FOXN1: variants seen among roughly 807,000 people sequenced by gnomAD.
FOXN1 encodes the protein forkhead box protein N1.
Under a neutral mutation model 49.0 loss-of-function variants are expected in FOXN1, and 15 were observed. The ratio of observed to expected loss-of-function variants is 0.31; its 90% confidence interval spans 0.20 to 0.47. FOXN1 has a LOEUF of 0.47. Among genes scored for constraint, FOXN1 ranks in the 20% least tolerant of loss-of-function variants. The pLI is 1.00. For missense variants in FOXN1, 800 were observed against 842.8 expected, an observed-to-expected ratio of 0.95 and a Z score of 0.63; for synonymous variants, 356 against 369.0, an observed-to-expected ratio of 0.96 and a Z score of 0.40.
At chr17:28,518,182 TAGGGTACACACATCCAC>T (rs1489603596) in intron 1 of FOXN1, among the ~76,000 whole-genome samples, 2 of 110,954 alleles carry the variant, frequency 1.8e-5, no homozygotes, top group Non-Finnish European at 3.9e-5. Context: ...CATACCTCCA[TAGGGTACACACATCCAC>T]AGGGTACACA....
At chr17:28,530,242 G>C (rs1453089144) in intron 5 of FOXN1, among the ~76,000 whole-genome samples, 1 of 152,118 alleles carries the variant, frequency 6.6e-6, no homozygotes, top group East Asian at 1.9e-4. Context: ...CAGGGTTTGG[G>C]GTAGCAGTTC....
rs775469489 is a variant in FOXN1, at chr17:28,527,336, G to T, written c.674G>T (p.Cys225Phe). ...CYQPPLQHMY[C>F]SSQPPFHQYS... ...CAGCCTCCCTTGCAGCATATGTACT[G>T]CTCCTCCCAGCCCCCCTTCCACCAG... Residue 225 changes from cysteine (C) to phenylalanine (F), a missense_variant, in exon 4 of 9, where the codon TGC (cysteine) becomes TTC (phenylalanine). Coordinates refer to ENST00000579795, the MANE Select transcript of FOXN1 (RefSeq NM_001369369.1). 3 of 1,612,576 alleles carry T rather than the reference G, an allele frequency of 1.9e-6. No homozygotes were observed. The South Asian group carries it at 3.3e-5, about 18-fold the overall frequency.
intron 1 of FOXN1, among the ~76,000 whole-genome samples, chr17:28,523,065 C>T (rs1367232883): frequency 6.6e-6 from 1 of 152,180 alleles, no homozygotes; most frequent in Non-Finnish European, 1.5e-5. Context: ...AAGGGCCAAC[C>T]CCGGCTTTGA....
At chr17:28,515,799 C>A (rs913306280) in intron 1 of FOXN1, among the ~76,000 whole-genome samples, 6 of 151,036 alleles carry the variant, frequency 4.0e-5, no homozygotes, top group African/African-American at 1.5e-4. Flanking sequence ...AAGGTGAACA[C>A]CATTCCCCAG....
At chr17:28,515,426 A>G (rs1210013610) in intron 1 of FOXN1, among the ~76,000 whole-genome samples, 1 of 151,554 alleles carries the variant, frequency 6.6e-6, no homozygotes, top group Non-Finnish European at 1.5e-5. Flanking sequence ...CCAAAGGTGT[A>G]TACACTTCCA....
At chr17:28,516,413 G>T (rs1277642903) in intron 1 of FOXN1, among the ~76,000 whole-genome samples, 2 of 149,592 alleles carry the variant, frequency 1.3e-5, no homozygotes, top group Non-Finnish European at 3.0e-5. Context: ...ACCATCACGG[G>T]GTACATGCCT....
chr17:28,537,868 G>A lies in FOXN1; in HGVS notation c.*432G>A. 1 of 271,342 alleles carries A rather than the reference G, an allele frequency of 3.7e-6. No individual in the cohort carries two copies. The highest frequency in any genetic ancestry group is 7.3e-6 in the Non-Finnish European group (1 of 137,870). The allele number at this position is 271,342 out of a possible 1,614,324, so 16.8% of individuals were successfully genotyped here. A position where few individuals can be genotyped will look rare whatever the true frequency, so the allele number is the denominator to read the frequency against. ...GAGCTGAGCGCTTTGCTTACCAAAA[G>A]CTCAGGGCCCTGTGCCAGGCCAAAG... On this transcript the variant is annotated 3_prime_UTR_variant, in exon 9 of 9. Coordinates refer to ENST00000579795, the MANE Select transcript of FOXN1 (RefSeq NM_001369369.1).
chr17:28,529,358 T>C, intron 5 of FOXN1, 134 bp downstream of exon 5: 1 of 1,120,324 alleles, frequency 8.9e-7, no homozygotes, highest in Non-Finnish European at 1.3e-6. Flanking sequence ...TTCCAGAAGA[T>C]GCTGGAGAGA....
intron 1 of FOXN1, among the ~76,000 whole-genome samples, chr17:28,509,629 T>A (rs1298102583): frequency 6.6e-6 from 1 of 152,170 alleles, no homozygotes; most frequent in African/African-American, 2.4e-5. Flanking sequence ...CCTCATCCTA[T>A]CTGGGCCGTA....
Position 28,536,926 on chromosome 17 carries a change from C to T in FOXN1, c.1628-191C>T, listed in dbSNP as rs148361643. Reference sequence around the variant, plus strand: ...TCGACGGCTTTCAGATTGTGCTACACGGGAGGAGGAATCTGAGGCTGAGAG... The same window carrying T: ...TCGACGGCTTTCAGATTGTGCTACATGGGAGGAGGAATCTGAGGCTGAGAG... On this transcript the variant is annotated intron_variant, in intron 8 of 8. Coordinates refer to ENST00000579795, the MANE Select transcript of FOXN1 (RefSeq NM_001369369.1). 6.9e-3 allele frequency among the ~76,000 whole-genome samples: 1,043 copies of T among 152,124 alleles called. 2 individuals are homozygous for T. Among genetic ancestry groups the T allele is most frequent in the Non-Finnish European group, 0.011 (759 of 67,996 alleles).
intron 5 of FOXN1, 106 bp downstream of exon 5, chr17:28,529,330 G>T: frequency 7.2e-7 from 1 of 1,393,438 alleles, no homozygotes. Flanking sequence ...GCAGCAGGTG[G>T]AAATCATACC....
chr17:28,517,254 C>G (rs1439592925), intron 1 of FOXN1, among the ~76,000 whole-genome samples: 3 of 145,000 alleles, frequency 2.1e-5, no homozygotes, highest in African/African-American at 7.9e-5. Flanking sequence ...GGATCCATAC[C>G]TCCACAGGGA....
intron 1 of FOXN1, among the ~76,000 whole-genome samples, chr17:28,514,369 C>T (rs989411276): frequency 2.0e-5 from 3 of 152,186 alleles, no homozygotes; most frequent in African/African-American, 4.8e-5. Context: ...AAGGCAGGGG[C>T]ACGCAACCCA....
chr17:28,506,497 G>A (rs2069264858), intron 1 of FOXN1, 54 bp downstream of exon 1: 1 of 152,370 alleles, frequency 6.6e-6, no homozygotes, highest in Non-Finnish European at 1.5e-5. Context: ...GCCGGGCTGG[G>A]GCACGGGGAG....
At chr17:28,525,612 A>G (rs746801114) in intron 3 of FOXN1, among the ~76,000 whole-genome samples, 2 of 152,180 alleles carry the variant, frequency 1.3e-5, no homozygotes, top group Non-Finnish European at 2.9e-5. Flanking sequence ...GGAAGATAAA[A>G]GCTAAAGGGA....
rs634061 is a variant in FOXN1 at position 28,528,962 on chromosome 17, G to A, written c.700-132G>A. 431,769 of 1,155,928 alleles carry A rather than the reference G, an allele frequency of 0.37. 83,038 individuals carry two copies. The highest frequency in any genetic ancestry group is 0.49 in the African/African-American group (32,139 of 65,724). 71.6% of individuals were successfully genotyped at this position (1,155,928 alleles called of 1,614,324 possible). On this transcript the variant is annotated intron_variant, in intron 4 of 8. Coordinates refer to ENST00000579795, the MANE Select transcript of FOXN1 (RefSeq NM_001369369.1). ...CCTCAGACAGCTCTGCTTTGGGGGT[G>A]ATGGGGCCCATGACCCAGGAGGGAA...
chr17:28,523,878 TG>T, intron 1 of FOXN1, 77 bp from the exon 2 acceptor site: 1 of 1,342,742 alleles, frequency 7.4e-7, no homozygotes, highest in Non-Finnish European at 1.1e-6. Flanking sequence ...AGGATGGGGT[TG>T]GGGTGGAGGT....
At position 28,534,153 on chromosome 17, in the gene FOXN1, G is replaced by T. The variant is rs667026; in HGVS notation, c.928-178G>T. On this transcript the variant is annotated intron_variant, in intron 6 of 8. Coordinates refer to ENST00000579795, the MANE Select transcript of FOXN1 (RefSeq NM_001369369.1). This position sits in a 1 kb window ranked among gnomAD's most constrained non-coding sequence, Gnocchi z 4.1. Reference sequence around the variant, plus strand: ...TTGGGGTCAAGGTTCCTGTTCACCCGTCCCCTACCACCAAAGGGTACCAAG... The same window carrying T: ...TTGGGGTCAAGGTTCCTGTTCACCCTTCCCCTACCACCAAAGGGTACCAAG... Among the ~76,000 whole-genome samples, 5 of 151,994 alleles carry T rather than the reference G, an allele frequency of 3.3e-5. No individual in the cohort carries two copies. Among genetic ancestry groups the T allele is most frequent in the African/African-American group, 1.2e-4 (5 of 41,362 alleles).
In FOXN1 at chr17:28,537,611, G is replaced by A; in HGVS notation, c.*175G>A. On this transcript the variant is annotated 3_prime_UTR_variant, in exon 9 of 9. Transcript: ENST00000579795. ...GGGCGCAGAGGACATCACCTGGGGTGCTGCCTCTCACACATTTCTGCCACG... is the reference window on the plus strand; with the variant it reads ...GGGCGCAGAGGACATCACCTGGGGTACTGCCTCTCACACATTTCTGCCACG... 1 of 661,240 alleles carries A rather than the reference G, an allele frequency of 1.5e-6. No homozygotes were observed. The highest frequency in any genetic ancestry group is 1.7e-5 in the South Asian group (1 of 59,842). The allele number at this position is 661,240 out of a possible 1,614,324, so 41.0% of individuals were successfully genotyped here. A position where few individuals can be genotyped will look rare whatever the true frequency, so the allele number is the denominator to read the frequency against.
Sources: gnomAD v4.1 joint callset for allele counts (sites outside exome capture counted in the v4.1 genomes callset) on GRCh38, gnomAD v4.1.1 for gene constraint, Gnocchi (gnomAD v3.1) non-coding constraint, MANE v1.5 for transcripts, NCBI Gene and HGNC (gene_info 2026-07-23, HGNC 2026-07-21) for gene names.